The following GABRR2 variants were observed in gnomAD, a reference collection of about 807,000 sequenced individuals.
GABRR2 encodes gamma-aminobutyric acid receptor subunit rho-2.
In GABRR2, 36 loss-of-function variants were observed where a neutral mutation model predicts 47.0. That is an observed-to-expected ratio of 0.77 (90% CI 0.59 to 1.01). The LOEUF (loss-of-function observed/expected upper bound fraction) is 1.01. GABRR2 is among the 50% of genes least tolerant of loss of function. The probability of loss-of-function intolerance (pLI) is 0.00; values close to 1 mark genes in which losing one functional copy is unlikely to be tolerated. For missense variants in GABRR2, 587 were observed against 594.6 expected (o/e 0.99, Z 0.13); for synonymous variants, 204 against 227.5 (o/e 0.90, Z 0.93).
intron 2 of GABRR2, among the ~76,000 whole-genome samples, chr6:89,291,545 G>C (rs1562378158): frequency 6.6e-6 from 1 of 151,324 alleles, no homozygotes; most frequent in Non-Finnish European, 1.5e-5. Flanking sequence ...GCTGCTTCCT[G>C]CTCCGGGGTA....
intron 1 of GABRR2, among the ~76,000 whole-genome samples, chr6:89,310,287 C>T (rs1767658582): frequency 6.6e-6 from 1 of 152,206 alleles, no homozygotes; most frequent in Non-Finnish European, 1.5e-5. Context: ...ATGCCCAACC[C>T]CTGGTCCTAC....
chr6:89,304,431 A>G (rs193273685), intron 1 of GABRR2, among the ~76,000 whole-genome samples: 5 of 152,112 alleles, frequency 3.3e-5, no homozygotes, highest in Admixed American at 3.3e-4. Flanking sequence ...CGTCTCTACT[A>G]AACAAAAGTT....
rs1218352696 is a variant in GABRR2, at chr6:89,302,145, A to T, written c.114-2280T>A. 9 of 590,632 alleles carry T rather than the reference A, an allele frequency of 1.5e-5. 1 individual carries two copies. Among genetic ancestry groups the T allele is most frequent in the South Asian group, 1.5e-4 (9 of 61,606 alleles). The allele number at this position is 590,632 out of a possible 1,614,324, so 36.6% of individuals were successfully genotyped here. A position where few individuals can be genotyped will look rare whatever the true frequency, so the allele number is the denominator to read the frequency against. ...GATTCCCTCCTGGATGTGCGGAAGA[A>T]GTGTGAGAACTGCGACGGTCTGTAG... On this transcript the variant is annotated intron_variant, in intron 1 of 8. Coordinates refer to ENST00000402938, the MANE Select transcript of GABRR2 (RefSeq NM_002043.5).
intron 2 of GABRR2, among the ~76,000 whole-genome samples, chr6:89,286,758 A>T (rs1459361583): frequency 2.6e-5 from 4 of 152,118 alleles, no homozygotes; most frequent in African/African-American, 9.7e-5. Flanking sequence ...GCTGTGTGGG[A>T]CACAGGGCAG....
chr6:89,297,305 C>T (rs902483242), intron 2 of GABRR2, among the ~76,000 whole-genome samples: 60 of 152,180 alleles, frequency 3.9e-4, no homozygotes, highest in Admixed American at 1.3e-3. Flanking sequence ...AGGCAGTGTG[C>T]CTATGCCGCC....
chr6:89,303,161 C>A, intron 1 of GABRR2: 1 of 419,530 alleles, frequency 2.4e-6, no homozygotes, highest in South Asian at 1.9e-5. Context: ...GGTGCCAAGG[C>A]CAGCAGTGTC....
chr6:89,295,805 T>A (rs983175768), intron 2 of GABRR2, among the ~76,000 whole-genome samples: 2 of 152,028 alleles, frequency 1.3e-5, no homozygotes, highest in Non-Finnish European at 2.9e-5. Context: ...AATTTTTGTA[T>A]AAGGTGTAAG....
chr6:89,314,239 G>T (rs1005127830), intron 1 of GABRR2, among the ~76,000 whole-genome samples: 1 of 152,188 alleles, frequency 6.6e-6, no homozygotes, highest in Non-Finnish European at 1.5e-5. Flanking sequence ...TAGTTTATCT[G>T]ATGCTTAGTA....
intron 2 of GABRR2, among the ~76,000 whole-genome samples, chr6:89,294,209 A>G (rs1036342098): frequency 1.3e-5 from 2 of 152,132 alleles, no homozygotes; most frequent in African/African-American, 4.8e-5. Flanking sequence ...CAGTGGCGCA[A>G]TCTCGGCTCA....
intron 1 of GABRR2, chr6:89,302,662 T>C (rs991864160): frequency 1.1e-5 from 14 of 1,292,066 alleles, no homozygotes; most frequent in African/African-American, 4.5e-5. Flanking sequence ...AAGAACATGA[T>C]GGCTGCCCGC....
At position 89,264,511 on chromosome 6, in the gene GABRR2, C is replaced by A; in HGVS notation, c.987G>T (p.Trp329Cys). 2 of 1,614,114 alleles carry A rather than the reference C, an allele frequency of 1.2e-6. No homozygotes were observed. The highest frequency in any genetic ancestry group is 1.1e-5 in the South Asian group (1 of 91,056). The change falls in exon 8 of 9, where the codon TGG becomes TGT. Residue 329 changes from tryptophan to cysteine, a missense_variant. Transcript: ENST00000402938. ...SYVKAVDIYL[W>C]VSFVFVFLSV... is the part of the protein sequence containing the mutation. ...AGAGGAACACGAACACAAAGCTGAC[C>A]CAGAGGTAGATGTCCACGGCCTTGA... is the stretch of plus-strand genomic sequence containing the variant.
At chr6:89,305,069 G>A (rs549320312) in intron 1 of GABRR2, among the ~76,000 whole-genome samples, 2 of 152,312 alleles carry the variant, frequency 1.3e-5, no homozygotes, top group South Asian at 4.1e-4. Context: ...TAAAGACAAC[G>A]TGGTATGGCC....
At chr6:89,277,862 C>CGG (rs1407422489) in intron 2 of GABRR2, among the ~76,000 whole-genome samples, 1 of 1,500 alleles carries the variant, frequency 6.7e-4, no homozygotes, top group African/African-American at 3.4e-3. Flanking sequence ...CAGTGGTGGG[C>CGG]GGGGGTGGGG....
At chr6:89,294,739 C>T (rs1774527134) in intron 2 of GABRR2, among the ~76,000 whole-genome samples, 1 of 151,152 alleles carries the variant, frequency 6.6e-6, no homozygotes, top group African/African-American at 2.4e-5. Flanking sequence ...GTGCTGCACC[C>T]ATTAGCTCGT....
At chr6:89,296,123 T>TC (rs926418477) in intron 2 of GABRR2, among the ~76,000 whole-genome samples, 1 of 152,234 alleles carries the variant, frequency 6.6e-6, no homozygotes, top group Non-Finnish European at 1.5e-5. Context: ...CTTTGTGCTG[T>TC]CTGTGCAGCC....
chr6:89,302,747 G>A (rs1767478637), intron 1 of GABRR2: 29 of 1,419,810 alleles, frequency 2.0e-5, no homozygotes, highest in Non-Finnish European at 2.7e-5. Flanking sequence ...AGGTGGACGA[G>A]CAGATGCTGT....
intron 8 of GABRR2, among the ~76,000 whole-genome samples, chr6:89,258,519 A>AAGAAAT (rs1773660839): frequency 6.6e-6 from 1 of 150,712 alleles, no homozygotes; most frequent in Non-Finnish European, 1.5e-5. Flanking sequence ...CAGCCTGGGC[A>AAGAAAT]ACATAGTGAG....
chr6:89,293,158 C>A (rs1467071665), intron 2 of GABRR2, among the ~76,000 whole-genome samples: 1 of 152,042 alleles, frequency 6.6e-6, no homozygotes, highest in Non-Finnish European at 1.5e-5. Flanking sequence ...ACAACATGTA[C>A]CTTGAAGACA....
intron 2 of GABRR2, among the ~76,000 whole-genome samples, chr6:89,284,570 G>A (rs1774302866): frequency 2.0e-5 from 3 of 152,188 alleles, no homozygotes; most frequent in Admixed American, 6.6e-5. Context: ...AAGCAACTTA[G>A]CCCGCTGTTG....
Sources: gnomAD v4.1 joint callset for allele counts (sites outside exome capture counted in the v4.1 genomes callset) on GRCh38, gnomAD v4.1.1 for gene constraint, MANE v1.5 for transcripts, NCBI Gene and HGNC (gene_info 2026-07-23, HGNC 2026-07-21) for gene names.